Variants in POLA1 observed in about 807,000 individuals in gnomAD.
POLA1 encodes DNA polymerase alpha 1, catalytic subunit.
Under a neutral mutation model 124.0 loss-of-function variants are expected in POLA1, and 15 were observed. That is an observed-to-expected ratio of 0.12 (90% CI 0.08 to 0.19). The LOEUF (loss-of-function observed/expected upper bound fraction) is 0.19. Ranked by LOEUF, POLA1 falls within the 10% of genes least tolerant of loss-of-function variation. POLA1 has a pLI of 1.00. For missense variants in POLA1, 886 were observed against 1,103.4 expected, an observed-to-expected ratio of 0.80 and a Z score of 2.79; for synonymous variants, 408 against 389.4, an observed-to-expected ratio of 1.05 and a Z score of -0.56.
At chrX:24,752,815 G>A (rs952372104) in intron 26 of POLA1, among the ~76,000 whole-genome samples, 25 of 110,984 alleles carry the variant, frequency 2.3e-4, no homozygotes, top group African/African-American at 7.5e-4. Context: ...TATATTGATA[G>A]GAACAGTAAT....
chrX:24,949,307 C>G (rs1056829297), intron 36 of POLA1, among the ~76,000 whole-genome samples: 1 of 111,477 alleles, frequency 9.0e-6, no homozygotes, highest in African/African-American at 3.3e-5. Flanking sequence ...AGCCAAATTT[C>G]TGGCATTTTT....
At chrX:24,814,400 C>A (rs11573413) in intron 29 of POLA1, among the ~76,000 whole-genome samples, 4,387 of 111,730 alleles carry the variant, frequency 0.039, 99 homozygotes, top group Non-Finnish European at 0.065. Flanking sequence ...GGTTGAATAA[C>A]ATGAAGTTTT....
At position 24,812,849 on chromosome X, in the gene POLA1, T is replaced by G; in HGVS notation, c.3282T>G (p.Ala1094=). The change falls in exon 29 of 37, where the codon GCT becomes GCG. Residue 1094 remains alanine (A), a synonymous_variant. Transcript: ENST00000379068. ...DIVRRDWCDL[A]KDTGNFVIGQ... is the part of the protein sequence containing the mutation. ...TTAGAAGAGATTGGTGTGATCTTGCTAAAGACACTGGAAAGTGAGTTCAGC... is the reference window on the plus strand; with the variant it reads ...TTAGAAGAGATTGGTGTGATCTTGCGAAAGACACTGGAAAGTGAGTTCAGC... The G allele has an allele frequency of 8.5e-7, 1 of 1,174,653 alleles. No individual in the cohort carries two copies. Among genetic ancestry groups the G allele is most frequent in the Non-Finnish European group, 1.2e-6 (1 of 864,787 alleles).
chrX:24,793,132 C>T (rs1435947247), intron 26 of POLA1, among the ~76,000 whole-genome samples: 1 of 108,658 alleles, frequency 9.2e-6, no homozygotes, highest in Non-Finnish European at 1.9e-5. Flanking sequence ...CAAAAATTAG[C>T]CGGGTGTGGT....
intron 34 of POLA1, among the ~76,000 whole-genome samples, chrX:24,871,098 A>T (rs1359450908): frequency 1.8e-5 from 2 of 111,811 alleles, no homozygotes; most frequent in Admixed American, 1.9e-4. Flanking sequence ...ACATATATAT[A>T]TTTTAAGCCT....
chrX:24,804,387 A>C (rs2045766142), intron 26 of POLA1, among the ~76,000 whole-genome samples: 2 of 111,516 alleles, frequency 1.8e-5, no homozygotes, highest in Admixed American at 1.9e-4. Flanking sequence ...TTAATATTTC[A>C]CCTGCCTTTC....
At chrX:24,783,163 G>A (rs1413421042) in intron 26 of POLA1, among the ~76,000 whole-genome samples, 2 of 110,451 alleles carry the variant, frequency 1.8e-5, no homozygotes, top group Non-Finnish European at 3.8e-5. Flanking sequence ...AAAAGTAAAC[G>A]AAGTTAAGAC....
At chrX:24,732,605 T>TTG (rs1930994690) in intron 16 of POLA1, 151 bp downstream of exon 16, 2 of 388,170 alleles carry the variant, frequency 5.2e-6, no homozygotes, top group Non-Finnish European at 8.8e-6. Context: ...TTTTGTTTTT[T>TTG]TTTTTTTTGC....
intron 32 of POLA1, among the ~76,000 whole-genome samples, chrX:24,841,404 A>G (rs1243754764): frequency 8.9e-6 from 1 of 112,305 alleles, no homozygotes; most frequent in East Asian, 2.8e-4. Context: ...AATAAAAAAC[A>G]TCCTATCGAA....
Position 24,748,860 on chromosome X carries a change from T to G in POLA1, c.2842-10T>G. ...GTTGTTGTTTGTCTTTTGTTCTGTG[T>G]GGCCTGCAGTATGACATTCGACAGA... On this transcript the variant is annotated splice_polypyrimidine_tract_variant and intron_variant, in intron 25 of 36. Coordinates refer to ENST00000379068, the MANE Select transcript of POLA1 (RefSeq NM_001330360.2). 8.3e-7 allele frequency: 1 copy of G among 1,208,170 alleles called. No homozygotes were observed. Among genetic ancestry groups the G allele is most frequent in the Non-Finnish European group, 1.1e-6 (1 of 892,149 alleles).
At chrX:24,711,660 C>T (rs1173423414) in intron 4 of POLA1, among the ~76,000 whole-genome samples, 2 of 110,815 alleles carry the variant, frequency 1.8e-5, no homozygotes, top group East Asian at 2.8e-4. Flanking sequence ...TACAATGGCG[C>T]GATCTCGGCT....
intron 1 of POLA1, among the ~76,000 whole-genome samples, chrX:24,695,163 C>T (rs1409850762): frequency 2.7e-5 from 3 of 111,606 alleles, no homozygotes; most frequent in Non-Finnish European, 5.6e-5. Context: ...GGAATTTTTC[C>T]TTTAGAGCAG....
chrX:24,716,002 ATTTAG>A (rs952793906), intron 6 of POLA1, among the ~76,000 whole-genome samples: 5 of 111,619 alleles, frequency 4.5e-5, no homozygotes, highest in African/African-American at 1.6e-4. Flanking sequence ...CTACGCTCTC[ATTTAG>A]AAGTGTACTT....
At chrX:24,950,886 G>A (rs911403694) in intron 36 of POLA1, among the ~76,000 whole-genome samples, 21 of 112,039 alleles carry the variant, frequency 1.9e-4, no homozygotes, top group African/African-American at 6.5e-4. Context: ...TGATTGGCTG[G>A]TGTAAGTTGG....
chrX:24,973,049 G>A (rs1020332272), intron 36 of POLA1, among the ~76,000 whole-genome samples: 11 of 112,062 alleles, frequency 9.8e-5, no homozygotes, highest in Middle Eastern at 4.6e-3. Context: ...GGTGGAGTCC[G>A]TGATCATGTT....
chrX:24,887,342 A>G (rs1172182491), intron 34 of POLA1, among the ~76,000 whole-genome samples: 3 of 112,527 alleles, frequency 2.7e-5, no homozygotes, highest in Non-Finnish European at 3.7e-5. Flanking sequence ...GTAGTATTTC[A>G]AACCTCTGGA....
At chrX:24,845,106 G>A (rs1737832645) in intron 34 of POLA1, among the ~76,000 whole-genome samples, 1 of 111,988 alleles carries the variant, frequency 8.9e-6, no homozygotes, top group South Asian at 3.7e-4. Flanking sequence ...CTAGAAATAT[G>A]CCCTGACTGA....
At position 24,911,124 on chromosome X, in the gene POLA1, A is replaced by AT. The variant is rs750698819; in HGVS notation, c.4165-19328dup. Among the ~76,000 whole-genome samples the AT allele has an allele frequency of 8.0e-5, 9 of 112,457 alleles. No individual in the cohort carries two copies. In the East Asian group the frequency reaches 2.5e-3, roughly 31 times the overall value. ...TGGAAATTAAACAGCACACTTCTCA[A>AT]TAAGTTATGGGTCAAAGAAGAGGTA... On this transcript the variant is annotated intron_variant, in intron 35 of 36. Coordinates refer to ENST00000379068, the MANE Select transcript of POLA1 (RefSeq NM_001330360.2).
intron 20 of POLA1, among the ~76,000 whole-genome samples, chrX:24,740,737 T>G (rs1298044084): frequency 1.8e-5 from 2 of 111,409 alleles, no homozygotes; most frequent in Non-Finnish European, 3.8e-5. Context: ...TTGAATGTGC[T>G]ATCCTGTCTG....
Sources: allele counts gnomAD v4.1 joint callset (sites outside exome capture counted in the v4.1 genomes callset), GRCh38; gene constraint gnomAD v4.1.1; transcripts MANE v1.5; gene names NCBI Gene and HGNC (gene_info 2026-07-23, HGNC 2026-07-21).